Variants in PLAAT3 observed in about 807,000 individuals in gnomAD.
The protein encoded by PLAAT3 is phospholipase A and acyltransferase 3.
A neutral mutation model predicts 16.7 loss-of-function variants in PLAAT3; 21 were observed. The observed-to-expected ratio is 1.26, with a 90% CI of 0.89 to 1.81. The LOEUF (loss-of-function observed/expected upper bound fraction) is 1.81, where lower values mean the gene tolerates loss of function less well. Ranked by LOEUF, PLAAT3 falls within the 40% of genes most tolerant of loss-of-function variation. The pLI is 0.00. For missense variants in PLAAT3, 219 were observed against 213.7 expected (o/e 1.02, Z -0.16); for synonymous variants, 76 against 81.7 (o/e 0.93, Z 0.38).
rs551527244 is a variant in PLAAT3, at chr11:63,577,472, G to A, written c.388-2426C>T. ...GGCGTGAGCCGCCGCACCCAGCCAG[G>A]CAAGTGTACTTTTAATCATGAGCAT... is the stretch of plus-strand genomic sequence containing the variant. On this transcript the variant is annotated intron_variant, in intron 4 of 4. Coordinates refer to ENST00000415826, the MANE Select transcript of PLAAT3 (RefSeq NM_001128203.2). Among the ~76,000 whole-genome samples the A allele has an allele frequency of 3.3e-5, 5 of 151,980 alleles. No individual in the cohort carries two copies. In the South Asian group the frequency reaches 6.2e-4, roughly 19 times the overall value.
At chr11:63,603,532 G>T (rs1938479148) in intron 2 of PLAAT3, among the ~76,000 whole-genome samples, 1 of 151,792 alleles carries the variant, frequency 6.6e-6, no homozygotes, top group East Asian at 1.9e-4. Context: ...TAATACCCAG[G>T]TAATGGGGTT....
intron 3 of PLAAT3, 116 bp downstream of exon 3, chr11:63,597,945 C>A: frequency 1.4e-6 from 1 of 712,134 alleles, no homozygotes. Flanking sequence ...CATTCAGAGA[C>A]AACTGCCAGT....
upstream of PLAAT3, chr11:63,616,478 G>T (rs1938876647): frequency 6.6e-6 from 1 of 151,792 alleles, no homozygotes; most frequent in Non-Finnish European, 1.5e-5. Flanking sequence ...TAGAGACAAG[G>T]TCTCAAACTC....
chr11:63,604,260 T>TCA (rs1938503575), intron 2 of PLAAT3, among the ~76,000 whole-genome samples: 1 of 152,210 alleles, frequency 6.6e-6, no homozygotes, highest in Non-Finnish European at 1.5e-5. Context: ...TGGTTGGGAT[T>TCA]CAGAACTTTT....
At chr11:63,612,488 T>C (rs1340324502) in intron 2 of PLAAT3, among the ~76,000 whole-genome samples, 1 of 152,260 alleles carries the variant, frequency 6.6e-6, no homozygotes, top group Non-Finnish European at 1.5e-5. Flanking sequence ...TAGTTTTATA[T>C]GAAAGCAGCT....
intron 4 of PLAAT3, among the ~76,000 whole-genome samples, chr11:63,575,763 C>T (rs2017650887): frequency 6.6e-6 from 1 of 152,054 alleles, no homozygotes; most frequent in South Asian, 2.1e-4. Flanking sequence ...ACAGAAAGCA[C>T]TAAATCCTAA....
intron 2 of PLAAT3, among the ~76,000 whole-genome samples, chr11:63,613,039 C>T (rs945726464): frequency 2.0e-5 from 3 of 152,182 alleles, no homozygotes; most frequent in Non-Finnish European, 4.4e-5. Context: ...GAGATAATAA[C>T]AACAGTGAAT....
intron 4 of PLAAT3, among the ~76,000 whole-genome samples, chr11:63,577,881 C>A (rs1458610950): frequency 6.6e-6 from 1 of 151,776 alleles, no homozygotes; most frequent in African/African-American, 2.4e-5. Flanking sequence ...TGTGAAAAAA[C>A]AACTCAACAG....
chr11:63,598,240 A>G, intron 2 of PLAAT3, 77 bp from the exon 3 acceptor site: 1 of 957,600 alleles, frequency 1.0e-6, no homozygotes, highest in East Asian at 2.4e-5. Context: ...AGGAAGGTGC[A>G]GCTGAGTGGT....
chr11:63,615,430 G>GTA (rs1172188241), upstream of PLAAT3, among the ~76,000 whole-genome samples: 22 of 75,628 alleles, frequency 2.9e-4, no homozygotes, highest in African/African-American at 8.7e-4. Flanking sequence ...GTGTGTGTGT[G>GTA]TATATACACA....
In PLAAT3 at chr11:63,574,980, C is replaced by T; in HGVS notation, c.454G>A (p.Val152Ile). The change falls in exon 5 of 5, where the codon GTC (valine) becomes ATC (isoleucine). Residue 152 changes from valine to isoleucine, a missense_variant. Physicochemically the swap from Val to Ile is conservative, Grantham distance 29 (BLOSUM62 3). Coordinates refer to ENST00000415826, the MANE Select transcript of PLAAT3 (RefSeq NM_001128203.2). ...TGTCGCTTGTTTCTTGAGAACATGA[C>T]TCCAATAAGGCTCATGGCTGCCAAG... Reference protein sequence around the residue: ...MGLAAMSLIGVMFSRNKRQKQ With the variant: ...MGLAAMSLIGIMFSRNKRQKQ 2.5e-6 allele frequency: 4 copies of T among 1,612,786 alleles called. No homozygotes were observed. The highest frequency in any genetic ancestry group is 2.2e-5 in the East Asian group (1 of 44,880).
At position 63,614,046 on chromosome 11, in the gene PLAAT3, G is replaced by A; in HGVS notation, c.-32C>T. 1 of 1,613,572 alleles carries A rather than the reference G, an allele frequency of 6.2e-7. No homozygotes were observed. The highest frequency in any genetic ancestry group is 8.5e-7 in the Non-Finnish European group (1 of 1,179,630). ...TCGCGGTGTGGACCCTCAAGGCCAG[G>A]CTCGATTTCGCTGCGTAGATGTCTG... On this transcript the variant is annotated 5_prime_UTR_variant, in exon 2 of 5. Transcript: ENST00000415826.
chr11:63,584,614 C>T (rs145843672), intron 4 of PLAAT3, among the ~76,000 whole-genome samples: 3,148 of 150,838 alleles, frequency 0.021, 131 homozygotes, highest in African/African-American at 0.072. Context: ...CCTGGGTTCA[C>T]GCCATTCTCC....
intron 2 of PLAAT3, among the ~76,000 whole-genome samples, chr11:63,605,443 C>T (rs1214027554): frequency 6.6e-6 from 1 of 152,176 alleles, no homozygotes; most frequent in Non-Finnish European, 1.5e-5. Context: ...TAATGAACGT[C>T]TGTATACCTG....
intron 2 of PLAAT3, among the ~76,000 whole-genome samples, chr11:63,604,632 A>G (rs1370214110): frequency 6.6e-6 from 1 of 151,956 alleles, no homozygotes; most frequent in Non-Finnish European, 1.5e-5. Context: ...GCATGGTGGT[A>G]CATGCCTGTA....
chr11:63,580,514 C>T (rs1471519728), intron 4 of PLAAT3, among the ~76,000 whole-genome samples: 5 of 151,984 alleles, frequency 3.3e-5, no homozygotes, highest in Admixed American at 6.6e-5. Context: ...ATTAGCCAGG[C>T]GTGGTGGCAC....
At chr11:63,584,975 T>C (rs894450265) in intron 4 of PLAAT3, among the ~76,000 whole-genome samples, 3 of 152,024 alleles carry the variant, frequency 2.0e-5, no homozygotes, top group African/African-American at 7.2e-5. Context: ...GTGGACATTT[T>C]CTGATATGTA....
intron 3 of PLAAT3, 119 bp from the exon 4 acceptor site, chr11:63,590,487 G>A (rs1021109090): frequency 3.7e-6 from 3 of 805,856 alleles, no homozygotes; most frequent in Non-Finnish European, 6.0e-6. Flanking sequence ...AGCAACAAGT[G>A]GAAGGGTCAG....
intron 2 of PLAAT3, among the ~76,000 whole-genome samples, chr11:63,604,293 ATT>A (rs1266094869): frequency 2.6e-5 from 4 of 152,106 alleles, no homozygotes; most frequent in Non-Finnish European, 4.4e-5. Flanking sequence ...ATATTATTTT[ATT>A]GTTTGAATTT....
Sources: gnomAD v4.1 joint callset for allele counts (sites outside exome capture counted in the v4.1 genomes callset) on GRCh38, gnomAD v4.1.1 for gene constraint, MANE v1.5 for transcripts, NCBI Gene and HGNC (gene_info 2026-07-23, HGNC 2026-07-21) for gene names.